MTUS2: variants seen among roughly 807,000 people sequenced by gnomAD.
MTUS2 encodes microtubule associated scaffold protein 2, also known as microtubule-associated tumor suppressor candidate 2.
Under a neutral mutation model 114.1 loss-of-function variants are expected in MTUS2, and 40 were observed. The observed-to-expected ratio is 0.35, with a 90% confidence interval of 0.27 to 0.46. The LOEUF (loss-of-function observed/expected upper bound fraction) is 0.46, where lower values mean the gene tolerates loss of function less well. Ranked by LOEUF, MTUS2 falls within the 20% of genes least tolerant of loss-of-function variation. The pLI, the probability that MTUS2 is intolerant of heterozygous loss-of-function variation, is 1.00. For synonymous variants in MTUS2, 688 were observed against 672.0 expected, an observed-to-expected ratio of 1.02 and a Z score of -0.37; for missense variants, 1,679 against 1,705.4, an observed-to-expected ratio of 0.98 and a Z score of 0.27.
At chr13:29,012,267 C>T (rs146545355) in intron 2 of MTUS2, among the ~76,000 whole-genome samples, 3 of 152,190 alleles carry the variant, frequency 2.0e-5, no homozygotes, top group East Asian at 3.9e-4. Flanking sequence ...AGTAACTGTC[C>T]GTGCTGCCCT....
intron 5 of MTUS2, among the ~76,000 whole-genome samples, chr13:29,229,359 C>G (rs1023027972): frequency 6.6e-6 from 1 of 152,186 alleles, no homozygotes; most frequent in Non-Finnish European, 1.5e-5. Flanking sequence ...TTGGAACAGT[C>G]TGTCTTCTTA....
intron 2 of MTUS2, among the ~76,000 whole-genome samples, chr13:28,935,384 T>G (rs762457791): frequency 1.3e-5 from 2 of 152,090 alleles, no homozygotes; most frequent in African/African-American, 2.4e-5. Flanking sequence ...AATTCCAAAG[T>G]TTTTGCAAGT....
intron 5 of MTUS2, among the ~76,000 whole-genome samples, chr13:29,215,154 G>T (rs541891978): frequency 7.3e-4 from 111 of 151,212 alleles, no homozygotes; most frequent in African/African-American, 2.6e-3. Flanking sequence ...GATGGATTTG[G>T]CTATTGATAC....
rs201744531 is a variant in MTUS2, at chr13:29,171,422, C to T, written c.2644+70452C>T. Among the ~76,000 whole-genome samples, 15 of 152,146 alleles carry T rather than the reference C, an allele frequency of 9.9e-5. 1 individual carries two copies. The East Asian group carries it at 2.7e-3, about 27-fold the overall frequency. ...GATCAGGCCAAAATAGGATCTGTAC[C>T]GGAACTTACTTTCCTGAGTCAGCAG... On this transcript the variant is annotated intron_variant, in intron 5 of 15. Transcript: ENST00000612955.
At chr13:29,198,348 T>C (rs946555956) in intron 5 of MTUS2, among the ~76,000 whole-genome samples, 3 of 152,234 alleles carry the variant, frequency 2.0e-5, no homozygotes, top group African/African-American at 7.2e-5. Flanking sequence ...ATTGCTTGTT[T>C]TTGTCAGGTT....
intron 5 of MTUS2, among the ~76,000 whole-genome samples, chr13:29,238,237 G>T (rs1316654267): frequency 6.6e-6 from 1 of 152,208 alleles, no homozygotes; most frequent in Non-Finnish European, 1.5e-5. Context: ...AAAAGAAGGA[G>T]ATCCTGTCAT....
chr13:29,151,113 A>C (rs1024160096), intron 5 of MTUS2, among the ~76,000 whole-genome samples: 1 of 152,168 alleles, frequency 6.6e-6, no homozygotes, highest in Non-Finnish European at 1.5e-5. Flanking sequence ...ATAGCATTGA[A>C]TCTACAGATT....
intron 5 of MTUS2, among the ~76,000 whole-genome samples, chr13:29,202,944 A>G (rs1475842981): frequency 6.6e-6 from 1 of 151,940 alleles, no homozygotes; most frequent in African/African-American, 2.4e-5. Context: ...GTGTCTGTTG[A>G]CCCCTGCTGG....
intron 2 of MTUS2, among the ~76,000 whole-genome samples, chr13:28,967,834 A>G (rs1883667207): frequency 1.3e-5 from 2 of 152,162 alleles, no homozygotes; most frequent in African/African-American, 4.8e-5. Context: ...AGAGAGAGCC[A>G]TTTGTTTCAT....
intron 8 of MTUS2, among the ~76,000 whole-genome samples, chr13:29,420,988 T>G (rs891745536): frequency 3.9e-5 from 6 of 152,244 alleles, no homozygotes; most frequent in African/African-American, 1.4e-4. Flanking sequence ...TGAAATTTTT[T>G]TAGTTCTCTT....
At chr13:29,213,330 G>A (rs1284705796) in intron 5 of MTUS2, among the ~76,000 whole-genome samples, 1 of 152,170 alleles carries the variant, frequency 6.6e-6, no homozygotes, top group East Asian at 1.9e-4. Flanking sequence ...TTTCTATGTG[G>A]AGTGTTCTAC....
intron 8 of MTUS2, among the ~76,000 whole-genome samples, chr13:29,375,994 CAT>C (rs921715394): frequency 1.4e-4 from 2 of 14,580 alleles, no homozygotes; most frequent in Non-Finnish European, 6.3e-4. Flanking sequence ...GCTATTTAAA[CAT>C]ATATGTGTGT....
intron 5 of MTUS2, among the ~76,000 whole-genome samples, chr13:29,155,352 C>T (rs147810406): frequency 2.0e-4 from 31 of 152,318 alleles, no homozygotes; most frequent in African/African-American, 3.1e-4. Flanking sequence ...TTCCATATCA[C>T]TGTATAATTT....
At chr13:29,125,569 G>A (rs1164632907) in intron 5 of MTUS2, among the ~76,000 whole-genome samples, 1 of 152,138 alleles carries the variant, frequency 6.6e-6, no homozygotes, top group African/African-American at 2.4e-5. Context: ...CTACATGAAC[G>A]GTTTCATGCA....
chr13:28,935,473 T>C (rs76100024), intron 2 of MTUS2, among the ~76,000 whole-genome samples: 2 of 152,108 alleles, frequency 1.3e-5, no homozygotes, highest in African/African-American at 2.4e-5. Context: ...CTTTTTTTTT[T>C]CTCCTTTGGT....
At chr13:29,133,585 G>A (rs532373230) in intron 5 of MTUS2, among the ~76,000 whole-genome samples, 8 of 152,258 alleles carry the variant, frequency 5.3e-5, no homozygotes, top group Admixed American at 2.6e-4. Flanking sequence ...TCCAGTTTTC[G>A]AAGAATCATT....
At chr13:29,325,316 T>C (rs1217878385) in intron 7 of MTUS2, among the ~76,000 whole-genome samples, 1 of 151,232 alleles carries the variant, frequency 6.6e-6, no homozygotes. Context: ...AATAGCTGGG[T>C]GTGATGGCTT....
intron 4 of MTUS2, among the ~76,000 whole-genome samples, chr13:29,082,534 G>A (rs1889490945): frequency 6.6e-6 from 1 of 152,182 alleles, no homozygotes; most frequent in Non-Finnish European, 1.5e-5. Flanking sequence ...TGTGGCATCA[G>A]GCAAAGGTCT....
rs182895839 is a variant in MTUS2, at chr13:29,358,162, G to T, written c.2906-1100G>T. 3.3e-5 allele frequency among the ~76,000 whole-genome samples: 5 copies of T among 152,300 alleles called. No individual in the cohort carries two copies. The East Asian group carries it at 7.7e-4, about 24-fold the overall frequency. ...AGTGAAGGAAAGAACGTGCCTTTGA[G>T]ATGTAAGCCCATTGTCAATAGCAGG... On this transcript the variant is annotated intron_variant, in intron 7 of 15. Transcript: ENST00000612955.
Sources: gnomAD v4.1 joint callset for allele counts (sites outside exome capture counted in the v4.1 genomes callset) on GRCh38, gnomAD v4.1.1 for gene constraint, MANE v1.5 for transcripts, NCBI Gene and HGNC (gene_info 2026-07-23, HGNC 2026-07-21) for gene names.